ELSPBP1: variants seen among roughly 807,000 people sequenced by gnomAD.
ELSPBP1 encodes epididymal sperm binding protein 1, also known as epididymal sperm-binding protein 1.
ELSPBP1 carries 38 observed loss-of-function variants against 33.3 expected under a neutral mutation model. That is an observed-to-expected ratio of 1.14 (90% CI 0.88 to 1.50). ELSPBP1 has a LOEUF of 1.50. Among genes scored for constraint, ELSPBP1 ranks in the 40% most tolerant of loss-of-function variants. ELSPBP1 has a pLI of 0.00. For synonymous variants in ELSPBP1, 85 were observed against 94.1 expected, an observed-to-expected ratio of 0.90 and a Z score of 0.56; for missense variants, 267 against 263.5, an observed-to-expected ratio of 1.01 and a Z score of -0.09.
chr19:48,001,507 G>A (rs370064626), intron 1 of ELSPBP1, among the ~76,000 whole-genome samples: 25 of 151,990 alleles, frequency 1.6e-4, no homozygotes, highest in Admixed American at 6.6e-4. Flanking sequence ...GGGGAATCCC[G>A]GATCATCTTC....
rs1450110258 is a variant in ELSPBP1, at chr19:48,008,701, A to G, written c.34A>G (p.Thr12Ala). Residue 12 changes from threonine to alanine, a missense_variant, in exon 2 of 7, where the codon ACA becomes GCA. Coordinates refer to ENST00000339841, the MANE Select transcript of ELSPBP1 (RefSeq NM_022142.5). ...TRWSSYLLGW[T>A]TFLLYSYESS... is the part of the protein sequence containing the mutation. ...ATGGTCCAGTTACCTGTTGGGATGG[A>G]CAACCTTCCTTCTCTATTCCTATGA... The G allele has an allele frequency of 6.2e-7, 1 of 1,613,968 alleles. No individual in the cohort carries two copies. Among genetic ancestry groups the G allele is most frequent in the Non-Finnish European group, 8.5e-7 (1 of 1,179,956 alleles).
intron 6 of ELSPBP1, among the ~76,000 whole-genome samples, chr19:48,023,501 AAAAGAGGAAGGAAATAAGGAAGGAAGGG>A (rs1568409583): frequency 2.0e-5 from 2 of 97,886 alleles, no homozygotes; most frequent in Non-Finnish European, 5.0e-5. Context: ...GGAGGGAAGG[AAAAGAGGAAGGAAATAAGGAAGGAAGGG>A]AGGAAGGAAA....
At chr19:48,008,919 T>A (rs941109095) in intron 2 of ELSPBP1, among the ~76,000 whole-genome samples, 182 bp downstream of exon 2, 3 of 152,072 alleles carry the variant, frequency 2.0e-5, no homozygotes, top group African/African-American at 7.2e-5. Context: ...GCAGATCACT[T>A]GAGGTCAGGA....
intron 5 of ELSPBP1, among the ~76,000 whole-genome samples, chr19:48,021,739 A>G (rs182316751): frequency 1.3e-5 from 2 of 152,024 alleles, no homozygotes; most frequent in East Asian, 3.9e-4. Context: ...CATGAGCCAC[A>G]AAGCGCAGCC....
intron 2 of ELSPBP1, among the ~76,000 whole-genome samples, chr19:48,012,468 T>C (rs554537523): frequency 6.6e-6 from 1 of 152,246 alleles, no homozygotes; most frequent in African/African-American, 2.4e-5. Flanking sequence ...TCTAGTGCCA[T>C]TGAATTTTGA....
intron 4 of ELSPBP1, among the ~76,000 whole-genome samples, chr19:48,016,630 G>C (rs1454446709): frequency 6.8e-6 from 1 of 147,664 alleles, no homozygotes; most frequent in Admixed American, 6.9e-5. Context: ...ACAGGGTCTT[G>C]CTCTGTCACT....
Position 48,016,523 on chromosome 19 carries a change from TCTTTCTTC to T in ELSPBP1, c.355+488_355+495del, listed in dbSNP as rs1219306275. 5.3e-3 allele frequency among the ~76,000 whole-genome samples: 352 copies of T among 65,850 alleles called. 1 individual carries two copies. The highest frequency in any genetic ancestry group is 8.6e-3 in the Middle Eastern group (1 of 116). 43.2% of individuals were successfully genotyped at this position (65,850 alleles called of 152,430 possible). On this transcript the variant is annotated intron_variant, in intron 4 of 6. Transcript: ENST00000339841. ...TTCTTTCTTTCTTTCTTTCTTTCTT[TCTTTCTTC>T]CTTCCTTCCTTCCTTCCTTCCTTCC...
In ELSPBP1 at chr19:48,022,201, T is replaced by C. The variant is rs112458959; in HGVS notation, c.546T>C (p.Cys182=). Reference sequence around the variant, plus strand: ...CCGCGTTGGTCCCTGGCTTTCCTTGTCACTTTCCGTTCAACTATAAAAACA... The same window carrying C: ...CCGCGTTGGTCCCTGGCTTTCCTTGCCACTTTCCGTTCAACTATAAAAACA... ...RISALVPGFP[C]HFPFNYKNKN... The change falls in exon 6 of 7, where the codon TGT becomes TGC. Residue 182 remains cysteine, a synonymous_variant. Transcript: ENST00000339841. 4.5e-4 allele frequency: 723 copies of C among 1,613,576 alleles called. 5 individuals are homozygous for C. The African/African-American group carries it at 6.0e-3, about 13-fold the overall frequency.
At chr19:48,016,885 C>T (rs1036698913) in intron 4 of ELSPBP1, among the ~76,000 whole-genome samples, 9 of 152,170 alleles carry the variant, frequency 5.9e-5, no homozygotes, top group Admixed American at 4.6e-4. Flanking sequence ...AGGCATGAGG[C>T]ACTGTGCCTG....
intron 4 of ELSPBP1, among the ~76,000 whole-genome samples, chr19:48,019,326 G>A (rs1967173544): frequency 6.6e-6 from 1 of 152,064 alleles, no homozygotes; most frequent in South Asian, 2.1e-4. Flanking sequence ...GACCAAAGAT[G>A]GGGTTTTAAA....
intron 1 of ELSPBP1, among the ~76,000 whole-genome samples, chr19:48,001,292 T>C (rs1966964844): frequency 6.6e-6 from 1 of 151,450 alleles, no homozygotes. Context: ...TGCCTCAGCC[T>C]CCTGAGTAGC....
chr19:48,002,649 G>A (rs1176523131), intron 1 of ELSPBP1, among the ~76,000 whole-genome samples: 2 of 152,178 alleles, frequency 1.3e-5, no homozygotes, highest in Non-Finnish European at 2.9e-5. Context: ...AAAAATAGCT[G>A]AGCGTGATGG....
intron 2 of ELSPBP1, among the ~76,000 whole-genome samples, chr19:48,010,928 A>T (rs1967069432): frequency 6.6e-6 from 1 of 152,222 alleles, no homozygotes; most frequent in Non-Finnish European, 1.5e-5. Flanking sequence ...CTACAGGGGC[A>T]TCTGCCCTCT....
chr19:48,019,956 A>G, intron 5 of ELSPBP1, 79 bp downstream of exon 5: 3 of 1,477,970 alleles, frequency 2.0e-6, no homozygotes, highest in Non-Finnish European at 2.7e-6. Context: ...CTGAAACCCC[A>G]CTGTGAGCCA....
intron 4 of ELSPBP1, among the ~76,000 whole-genome samples, chr19:48,018,880 G>A (rs1244535281): frequency 2.0e-5 from 3 of 152,164 alleles, no homozygotes; most frequent in Non-Finnish European, 4.4e-5. Context: ...TGGGCTGGGC[G>A]TGGTGGCTCA....
rs778253442 is a variant in ELSPBP1 at position 48,014,211 on chromosome 19, A to G, written c.111A>G (p.Gly37=). ...GTGTCTTTCCTTTCACCTACAAGGG[A>G]TCTGTTTACTTCACTTGCACCCATA... ...EECVFPFTYK[G]SVYFTCTHIH... Residue 37 remains glycine (G), a synonymous_variant, in exon 3 of 7, where the codon GGA becomes GGG. Coordinates refer to ENST00000339841, the MANE Select transcript of ELSPBP1 (RefSeq NM_022142.5). The G allele has an allele frequency of 6.2e-7, 1 of 1,613,900 alleles. No homozygotes were observed. The highest frequency in any genetic ancestry group is 8.5e-7 in the Non-Finnish European group (1 of 1,179,968).
At chr19:48,013,660 T>C (rs972364221) in intron 2 of ELSPBP1, among the ~76,000 whole-genome samples, 16 of 151,094 alleles carry the variant, frequency 1.1e-4, no homozygotes, top group Non-Finnish European at 2.1e-4. Context: ...GAGGTTGCAG[T>C]GAGCTGAGAC....
chr19:48,004,314 G>A (rs1966996261), intron 1 of ELSPBP1, among the ~76,000 whole-genome samples: 2 of 151,848 alleles, frequency 1.3e-5, no homozygotes, highest in South Asian at 2.1e-4. Flanking sequence ...ATGCATCTCT[G>A]TGGCCTTGCT....
intron 5 of ELSPBP1, 36 bp from the exon 6 acceptor site, chr19:48,022,134 G>C: frequency 1.9e-6 from 3 of 1,589,726 alleles, no homozygotes; most frequent in Non-Finnish European, 2.6e-6. Flanking sequence ...TGAAGCCTGA[G>C]GAGTAACCTT....
Sources: allele counts gnomAD v4.1 joint callset (sites outside exome capture counted in the v4.1 genomes callset), GRCh38; gene constraint gnomAD v4.1.1; transcripts MANE v1.5; gene names NCBI Gene and HGNC (gene_info 2026-07-23, HGNC 2026-07-21).